PLCL2: variants seen among roughly 807,000 people sequenced by gnomAD.
PLCL2 encodes the protein phospholipase C like 2.
A neutral mutation model predicts 79.6 loss-of-function variants in PLCL2; 4 were observed. The observed-to-expected ratio is 0.05, with a 90% confidence interval of 0.02 to 0.11. PLCL2 has a LOEUF of 0.11. Among genes scored for constraint, PLCL2 ranks in the 10% least tolerant of loss-of-function variants. The probability of loss-of-function intolerance (pLI) is 1.00; values close to 1 mark genes in which losing one functional copy is unlikely to be tolerated. For synonymous variants in PLCL2, 484 were observed against 457.7 expected (o/e 1.06, Z -0.73); for missense variants, 895 against 1,291.0 (o/e 0.69, Z 4.70).
At position 17,011,734 on chromosome 3, in the gene PLCL2, A is replaced by G; in HGVS notation, c.2388A>G (p.Glu796=). 1 of 1,614,160 alleles carries G rather than the reference A, an allele frequency of 6.2e-7. No homozygotes were observed. Among genetic ancestry groups the G allele is most frequent in the Non-Finnish European group, 8.5e-7 (1 of 1,180,004 alleles). ...ATGGAATCCCTGCTGATTGTGCAGA[A>G]CAAAGGACAAAAACAGTGCACCAGA... is the stretch of plus-strand genomic sequence containing the variant. ...EIHGIPADCA[E]QRTKTVHQNG... is the part of the protein sequence containing the mutation. The change falls in exon 2 of 6, where the codon GAA becomes GAG. Residue 796 remains glutamate, a synonymous_variant. Transcript: ENST00000615277. This position sits in a 1 kb window ranked among gnomAD's most constrained non-coding sequence, Gnocchi z 7.9.
At chr3:17,019,196 G>A (rs770459670) in intron 3 of PLCL2, among the ~76,000 whole-genome samples, 5 of 152,278 alleles carry the variant, frequency 3.3e-5, no homozygotes, top group Non-Finnish European at 5.9e-5. Flanking sequence ...AGATGAGTTC[G>A]TAGGGTGAAA....
chr3:16,926,366 CT>C (rs1216913631), intron 1 of PLCL2, among the ~76,000 whole-genome samples: 1 of 152,150 alleles, frequency 6.6e-6, no homozygotes, highest in African/African-American at 2.4e-5. Flanking sequence ...CATTTTCCTC[CT>C]CTGTAAAGTG....
At chr3:17,069,695 C>G (rs1271922643) in intron 5 of PLCL2, among the ~76,000 whole-genome samples, 1 of 152,156 alleles carries the variant, frequency 6.6e-6, no homozygotes, top group Non-Finnish European at 1.5e-5. Context: ...TTGGAGCTGA[C>G]AATAATTTTC....
chr3:16,918,608 C>T (rs1195138954), intron 1 of PLCL2, among the ~76,000 whole-genome samples: 1 of 151,852 alleles, frequency 6.6e-6, no homozygotes, highest in Non-Finnish European at 1.5e-5. Context: ...CTTCATATTA[C>T]CGTAATAGTT....
At chr3:16,895,322 A>C (rs1696453815) in intron 1 of PLCL2, among the ~76,000 whole-genome samples, 1 of 152,170 alleles carries the variant, frequency 6.6e-6, no homozygotes, top group Non-Finnish European at 1.5e-5. Flanking sequence ...CTATGAAGAT[A>C]GTCATTTATT....
chr3:16,976,126 C>T (rs73145323), intron 1 of PLCL2, among the ~76,000 whole-genome samples: 21,230 of 152,110 alleles, frequency 0.14, 1,783 homozygotes, highest in African/African-American at 0.23. Flanking sequence ...TGGCTCTAAA[C>T]GAAGCCACAG....
Position 17,089,787 on chromosome 3 carries a change from C to A in PLCL2, c.3259C>A (p.Gln1087Lys). The A allele has an allele frequency of 6.2e-7, 1 of 1,613,704 alleles. No individual in the cohort carries two copies. Among genetic ancestry groups the A allele is most frequent in the Non-Finnish European group, 8.5e-7 (1 of 1,179,730 alleles). ...GAATGAGACATTGGAGAACCTGAAA[C>A]AAATCCATTTTGCTGCTGTTTCATG... ...AKNETLENLK[Q>K]IHFAAVSCGL... The change falls in exon 6 of 6, where the codon CAA (glutamine) becomes AAA (lysine). Residue 1087 changes from glutamine to lysine, a missense_variant. Physicochemically the swap from Gln to Lys is moderately conservative, Grantham distance 53. Coordinates refer to ENST00000615277, the MANE Select transcript of PLCL2 (RefSeq NM_001144382.2).
In PLCL2 at chr3:16,969,574, G is replaced by T. The variant is rs965278609; in HGVS notation, c.328-40100G>T. Among the ~76,000 whole-genome samples, 3 of 151,858 alleles carry T rather than the reference G, an allele frequency of 2.0e-5. No individual in the cohort carries two copies. In the South Asian group the frequency reaches 6.3e-4, roughly 32 times the overall value. On this transcript the variant is annotated intron_variant, in intron 1 of 5. Transcript: ENST00000615277. ...TGAGGGGTTTTTTGTATTTCTGTGG[G>T]GTCAGTGATTATATCCCCTTTGTCA...
chr3:17,042,805 C>A (rs2064739005), intron 3 of PLCL2, 69 bp from the exon 4 acceptor site: 11 of 1,081,464 alleles, frequency 1.0e-5, no homozygotes, highest in Non-Finnish European at 1.6e-5. Flanking sequence ...GGAGAAGAGC[C>A]TTGTGCATGA....
chr3:16,951,770 G>A (rs2063654896), intron 1 of PLCL2, among the ~76,000 whole-genome samples: 1 of 152,004 alleles, frequency 6.6e-6, no homozygotes, highest in South Asian at 2.1e-4. Context: ...TGACCTAAAA[G>A]TTTCTGAAGT....
intron 2 of PLCL2, 54 bp from the exon 3 acceptor site, chr3:17,014,654 G>A (rs1356950881): frequency 7.5e-7 from 1 of 1,341,392 alleles, no homozygotes; most frequent in Middle Eastern, 2.2e-4. Flanking sequence ...TAATATCCAT[G>A]AGAAAGTAAA....
chr3:16,902,416 A>G (rs903316961), intron 1 of PLCL2, among the ~76,000 whole-genome samples: 2 of 152,216 alleles, frequency 1.3e-5, no homozygotes, highest in Admixed American at 6.5e-5. Flanking sequence ...TTCTAAGAGA[A>G]ATGATCAGTT....
chr3:16,999,755 A>G (rs931051982), intron 1 of PLCL2, among the ~76,000 whole-genome samples: 2 of 152,190 alleles, frequency 1.3e-5, no homozygotes, highest in Admixed American at 1.3e-4. Flanking sequence ...AGCTATCAAT[A>G]AAAGTTTTTT....
Position 17,002,949 on chromosome 3 carries a change from C to G in PLCL2, c.328-6725C>G, listed in dbSNP as rs544593068. Among the ~76,000 whole-genome samples the G allele has an allele frequency of 4.6e-5, 7 of 151,790 alleles. No individual in the cohort carries two copies. In the South Asian group the frequency reaches 1.2e-3, roughly 27 times the overall value. On this transcript the variant is annotated intron_variant, in intron 1 of 5. Coordinates refer to ENST00000615277, the MANE Select transcript of PLCL2 (RefSeq NM_001144382.2). The stretch of plus-strand genomic sequence containing the variant: ...TTTTTTAACAGTATTTCCTTTGGAC[C>G]ATATTTTATAATTCCCATCTTTCTG...
intron 1 of PLCL2, among the ~76,000 whole-genome samples, chr3:16,949,252 G>T (rs1160096109): frequency 6.6e-6 from 1 of 151,650 alleles, no homozygotes; most frequent in African/African-American, 2.4e-5. Context: ...CTTCGATACT[G>T]CCAGGTTATC....
At chr3:16,945,924 C>G (rs2063596079) in intron 1 of PLCL2, among the ~76,000 whole-genome samples, 1 of 152,184 alleles carries the variant, frequency 6.6e-6, no homozygotes, top group East Asian at 1.9e-4. Flanking sequence ...TTTTCACTTT[C>G]TCTTAGAGTT....
At chr3:17,046,419 G>A (rs1009858034) in intron 4 of PLCL2, among the ~76,000 whole-genome samples, 12 of 152,076 alleles carry the variant, frequency 7.9e-5, no homozygotes, top group African/African-American at 2.9e-4. Flanking sequence ...TTCCTTTCTA[G>A]TCACTGAATT....
chr3:17,067,129 A>T (rs2065018190), intron 4 of PLCL2, among the ~76,000 whole-genome samples: 1 of 152,186 alleles, frequency 6.6e-6, no homozygotes, highest in Non-Finnish European at 1.5e-5. Flanking sequence ...CAGAGAGAAA[A>T]GAATTATTCC....
chr3:16,887,835 T>A lies in PLCL2; in HGVS notation c.327+2469T>A, dbSNP rs748608466. 6.6e-6 allele frequency among the ~76,000 whole-genome samples: 1 copy of A among 151,976 alleles called. No individual in the cohort carries two copies. The highest frequency in any genetic ancestry group is 1.5e-5 in the Non-Finnish European group (1 of 67,976). On this transcript the variant is annotated intron_variant, in intron 1 of 5. Transcript: ENST00000615277. This position sits in a 1 kb window ranked among gnomAD's most constrained non-coding sequence, Gnocchi z 4.1. ...AATAAAAAGCTAAAGCAGAAGCCCA[T>A]GTGAAAAAGCAATAGTGACATCTTT...
Sources: gnomAD v4.1 joint callset for allele counts (sites outside exome capture counted in the v4.1 genomes callset) on GRCh38, gnomAD v4.1.1 for gene constraint, Gnocchi (gnomAD v3.1) non-coding constraint, MANE v1.5 for transcripts, NCBI Gene and HGNC (gene_info 2026-07-23, HGNC 2026-07-21) for gene names.